Variants in TMEM170B observed in about 807,000 individuals in gnomAD.
TMEM170B encodes transmembrane protein 170B.
TMEM170B carries 6 observed loss-of-function variants against 13.0 expected under a neutral mutation model. That is an observed-to-expected ratio of 0.46 (90% CI 0.25 to 0.91). The LOEUF is 0.91. TMEM170B is among the 40% of genes least tolerant of loss of function. TMEM170B has a pLI of 0.17. For missense variants in TMEM170B, 138 were observed against 165.2 expected, an observed-to-expected ratio of 0.84 and a Z score of 0.90; for synonymous variants, 61 against 64.9, an observed-to-expected ratio of 0.94 and a Z score of 0.29.
In TMEM170B at chr6:11,583,282, A is replaced by G. The variant is rs887821509; in HGVS notation, c.*7721A>G. The G allele has an allele frequency of 1.3e-5, 2 of 152,220 alleles. No individual in the cohort carries two copies. Among genetic ancestry groups the G allele is most frequent in the African/African-American group, 4.8e-5 (2 of 41,462 alleles). 9.4% of individuals were successfully genotyped at this position (152,220 alleles called of 1,614,324 possible). A position where few individuals can be genotyped will look rare whatever the true frequency, so the allele number is the denominator to read the frequency against. On this transcript the variant is annotated 3_prime_UTR_variant, in exon 3 of 3. Transcript: ENST00000379426. Reference sequence around the variant, plus strand: ...TTTAAGGAAAAGATGCACAATTACTATCATTCAGTGTCTAATCACAGGACC... The same window carrying G: ...TTTAAGGAAAAGATGCACAATTACTGTCATTCAGTGTCTAATCACAGGACC...
chr6:11,581,775 T>C lies in TMEM170B; in HGVS notation c.*6214T>C, dbSNP rs1390623201. ...ACTGATGATGACGCTTCTCTTGTTT[T>C]TAAAGTATTTACACATCATTGTTAA... On this transcript the variant is annotated 3_prime_UTR_variant, in exon 3 of 3. Coordinates refer to ENST00000379426, the MANE Select transcript of TMEM170B (RefSeq NM_001100829.3). 6.6e-6 allele frequency: 1 copy of C among 152,220 alleles called. No individual in the cohort carries two copies. The highest frequency in any genetic ancestry group is 1.5e-5 in the Non-Finnish European group (1 of 68,048). 9.4% of individuals were successfully genotyped at this position (152,220 alleles called of 1,614,324 possible). A position where few individuals can be genotyped will look rare whatever the true frequency, so the allele number is the denominator to read the frequency against.
intron 1 of TMEM170B, among the ~76,000 whole-genome samples, chr6:11,550,303 C>G (rs1233824122): frequency 6.6e-6 from 1 of 151,908 alleles, no homozygotes; most frequent in East Asian, 1.9e-4. Flanking sequence ...CCCCAAGTAG[C>G]TGGGATTATA....
intron 1 of TMEM170B, among the ~76,000 whole-genome samples, chr6:11,562,549 T>A (rs1759681260): frequency 6.6e-6 from 1 of 151,978 alleles, no homozygotes; most frequent in Non-Finnish European, 1.5e-5. Context: ...AAGCTGATTT[T>A]AAAAAAATCT....
At chr6:11,543,351 G>T (rs576253888) in intron 1 of TMEM170B, among the ~76,000 whole-genome samples, 1 of 152,146 alleles carries the variant, frequency 6.6e-6, no homozygotes, top group South Asian at 2.1e-4. Flanking sequence ...GAGTGAATAT[G>T]CTGTTAAGGA....
intron 2 of TMEM170B, among the ~76,000 whole-genome samples, chr6:11,566,308 CTG>C (rs1437295973): frequency 6.6e-6 from 1 of 152,196 alleles, no homozygotes; most frequent in African/African-American, 2.4e-5. Context: ...TAGAAATGAG[CTG>C]TGCTAGAGTG....
intron 2 of TMEM170B, among the ~76,000 whole-genome samples, chr6:11,574,152 T>C (rs1446696630): frequency 1.3e-5 from 2 of 152,172 alleles, no homozygotes; most frequent in Non-Finnish European, 2.9e-5. Context: ...TCTGAACCTC[T>C]GTTTTTTTCA....
chr6:11,558,538 G>T (rs923827030), intron 1 of TMEM170B, among the ~76,000 whole-genome samples: 3 of 152,166 alleles, frequency 2.0e-5, no homozygotes, highest in Non-Finnish European at 4.4e-5. Context: ...GAATGTCTGG[G>T]GGTGGTATCA....
chr6:11,562,749 T>G (rs1275926697), intron 1 of TMEM170B, among the ~76,000 whole-genome samples: 3 of 152,126 alleles, frequency 2.0e-5, no homozygotes, highest in Admixed American at 2.0e-4. Context: ...CTTATCCAGA[T>G]TTTGCTAGTA....
At chr6:11,572,049 G>A (rs1759811918) in intron 2 of TMEM170B, among the ~76,000 whole-genome samples, 1 of 152,162 alleles carries the variant, frequency 6.6e-6, no homozygotes, top group Non-Finnish European at 1.5e-5. Context: ...TGCCTCTGAG[G>A]ATATGGAGTA....
chr6:11,545,284 G>C (rs376036236), intron 1 of TMEM170B, among the ~76,000 whole-genome samples: 7,958 of 135,158 alleles, frequency 0.059, 214 homozygotes, highest in East Asian at 0.14. Flanking sequence ...CTCTCTCTGT[G>C]TGTGTGTGTG....
chr6:11,552,536 G>A (rs1003817538), intron 1 of TMEM170B, among the ~76,000 whole-genome samples: 4 of 152,154 alleles, frequency 2.6e-5, no homozygotes, highest in Non-Finnish European at 5.9e-5. Flanking sequence ...TCTGCCATGT[G>A]CATGTGCAGA....
rs1759956778 is a variant in TMEM170B, at chr6:11,581,570, A to G, written c.*6009A>G. On this transcript the variant is annotated 3_prime_UTR_variant, in exon 3 of 3. Coordinates refer to ENST00000379426, the MANE Select transcript of TMEM170B (RefSeq NM_001100829.3). ...GAAAAGCAGTTTGACACAAATACAC[A>G]GAAAGAGGAATTGCGGTGCATAATC... is the stretch of plus-strand genomic sequence containing the variant. The G allele has an allele frequency of 6.6e-6, 1 of 152,200 alleles. No individual in the cohort carries two copies. 9.4% of individuals were successfully genotyped at this position (152,200 alleles called of 1,614,324 possible). A position where few individuals can be genotyped will look rare whatever the true frequency, so the allele number is the denominator to read the frequency against.
At chr6:11,543,063 G>C (rs1027578700) in intron 1 of TMEM170B, among the ~76,000 whole-genome samples, 1 of 151,960 alleles carries the variant, frequency 6.6e-6, no homozygotes, top group African/African-American at 2.4e-5. Flanking sequence ...CTTTCTTCAC[G>C]CAAAATTAAT....
chr6:11,564,314 A>G (rs941957348), intron 1 of TMEM170B, among the ~76,000 whole-genome samples: 1 of 152,160 alleles, frequency 6.6e-6, no homozygotes, highest in Non-Finnish European at 1.5e-5. Context: ...CCTCCATACT[A>G]TTTTCCACAG....
intron 1 of TMEM170B, among the ~76,000 whole-genome samples, chr6:11,559,219 G>T (rs1383199250): frequency 6.7e-6 from 1 of 149,414 alleles, no homozygotes; most frequent in South Asian, 2.1e-4. Context: ...TTTGAGACGG[G>T]GTTTCACTCT....
intron 1 of TMEM170B, among the ~76,000 whole-genome samples, chr6:11,552,115 A>G (rs1035521207): frequency 6.6e-6 from 1 of 152,160 alleles, no homozygotes; most frequent in African/African-American, 2.4e-5. Flanking sequence ...CTGCCTTGTA[A>G]ACCAACTCTT....
chr6:11,559,123 A>G (rs975040869), intron 1 of TMEM170B, among the ~76,000 whole-genome samples: 4 of 152,036 alleles, frequency 2.6e-5, no homozygotes, highest in Admixed American at 6.5e-5. Context: ...CTTTATGAAC[A>G]CTGAAATTTG....
rs764335457 is a variant in TMEM170B, at chr6:11,578,961, C to T, written c.*3400C>T. 8 of 152,140 alleles carry T rather than the reference C, an allele frequency of 5.3e-5. No homozygotes were observed. The highest frequency in any genetic ancestry group is 1.0e-4 in the Non-Finnish European group (7 of 68,020). The allele number at this position is 152,140 out of a possible 1,614,324, so 9.4% of individuals were successfully genotyped here. ...AAATAATTCTATTTTGTAAACACTT[C>T]GTGTGGATCCACTATGTAAAGTGCT... On this transcript the variant is annotated 3_prime_UTR_variant, in exon 3 of 3. Transcript: ENST00000379426.
chr6:11,575,367 C>T lies in TMEM170B; in HGVS notation c.269-64C>T. 1 of 1,578,218 alleles carries T rather than the reference C, an allele frequency of 6.3e-7. No homozygotes were observed. Among genetic ancestry groups the T allele is most frequent in the East Asian group, 2.2e-5 (1 of 44,492 alleles). ...TGAAATGAAAAGAGCTCTTAAGGTG[C>T]AGCATGCAGTGTGTTATAAAACGAG... On this transcript the variant is annotated intron_variant, in intron 2 of 2. Coordinates refer to ENST00000379426, the MANE Select transcript of TMEM170B (RefSeq NM_001100829.3). The surrounding 1 kb of genome is among the most constrained non-coding windows in gnomAD (Gnocchi z 4.1).
Sources: gnomAD v4.1 joint callset for allele counts (sites outside exome capture counted in the v4.1 genomes callset) on GRCh38, gnomAD v4.1.1 for gene constraint, Gnocchi (gnomAD v3.1) non-coding constraint, MANE v1.5 for transcripts, NCBI Gene and HGNC (gene_info 2026-07-23, HGNC 2026-07-21) for gene names.